ABCB10: variants seen among roughly 807,000 people sequenced by gnomAD.
ABCB10 encodes ATP binding cassette subfamily B member 10, also known as ATP-binding cassette sub-family B member 10, mitochondrial.
A neutral mutation model predicts 65.4 loss-of-function variants in ABCB10; 54 were observed. The ratio of observed to expected loss-of-function variants is 0.83; its 90% CI spans 0.66 to 1.04. ABCB10 has a LOEUF of 1.04. Among genes scored for constraint, ABCB10 ranks in the 50% least tolerant of loss-of-function variants. The probability of loss-of-function intolerance (pLI) is 0.00; values close to 1 mark genes in which losing one functional copy is unlikely to be tolerated. For synonymous variants in ABCB10, 418 were observed against 406.5 expected (o/e 1.03, Z -0.34); for missense variants, 846 against 976.6 (o/e 0.87, Z 1.78).
chr1:229,533,972 G>A (rs1477383026), intron 6 of ABCB10, among the ~76,000 whole-genome samples: 1 of 152,108 alleles, frequency 6.6e-6, no homozygotes, highest in Non-Finnish European at 1.5e-5. Flanking sequence ...AAGACAATGT[G>A]AAAAGAAGAG....
intron 9 of ABCB10, among the ~76,000 whole-genome samples, 154 bp from the exon 10 acceptor site, chr1:229,526,270 T>C (rs1246893235): frequency 6.6e-6 from 1 of 152,250 alleles, no homozygotes; most frequent in Non-Finnish European, 1.5e-5. Flanking sequence ...CAATGAGACC[T>C]CACAGCAGGT....
intron 1 of ABCB10, among the ~76,000 whole-genome samples, chr1:229,550,209 AAAC>A (rs1461616241): frequency 6.6e-6 from 1 of 152,230 alleles, no homozygotes; most frequent in Admixed American, 6.5e-5. Flanking sequence ...AAAAACAGGC[AAAC>A]AAGATAGAGT....
intron 4 of ABCB10, 45 bp from the exon 5 acceptor site, chr1:229,540,797 T>C: frequency 2.6e-6 from 4 of 1,564,862 alleles, no homozygotes; most frequent in Non-Finnish European, 3.4e-6. Flanking sequence ...GGGTCATATT[T>C]CAAGAGCTTC....
At chr1:229,531,036 T>G in intron 7 of ABCB10, among the ~76,000 whole-genome samples, 1 of 152,164 alleles carries the variant, frequency 6.6e-6, no homozygotes, top group East Asian at 1.9e-4. Flanking sequence ...TGGGGCTACC[T>G]GACAATGTCC....
intron 6 of ABCB10, among the ~76,000 whole-genome samples, chr1:229,535,861 G>A (rs1460424152): frequency 2.6e-5 from 4 of 152,090 alleles, no homozygotes; most frequent in Non-Finnish European, 5.9e-5. Context: ...GAGTAGCTGG[G>A]ATTACGGGCA....
In ABCB10 at chr1:229,536,933, CCT is replaced by C. The variant is rs71744576; in HGVS notation, c.1339+2521_1339+2522del. On this transcript the variant is annotated intron_variant, in intron 6 of 12. Transcript: ENST00000344517. ...TCCAGCCTGGGTGACAGAGCAAGCC[CCT>C]GTCTCAGGAAAAAAGAAAAGAAAAA... Among the ~76,000 whole-genome samples the C allele has an allele frequency of 9.0e-3, 1,361 of 151,518 alleles. 21 individuals are homozygous for C. The highest frequency in any genetic ancestry group is 0.031 in the African/African-American group (1,283 of 41,222).
rs17584642 is a variant in ABCB10, at chr1:229,547,696, G to A, written c.724C>T (p.Arg242Cys). ...RVYLMQTSGQ[R>C]IVNRLRTSLF... The stretch of plus-strand genomic sequence containing the variant: ...GAAGTTCTCAGCCTATTCACAATGC[G>A]CTGACCTGCAAAAGCAAACACGAAC... The change falls in exon 3 of 13, where the codon CGC becomes TGC. Residue 242 changes from arginine (R) to cysteine (C), a missense_variant. By Grantham distance (180) the Arg-to-Cys change is radical (BLOSUM62 -3). Coordinates refer to ENST00000344517, the MANE Select transcript of ABCB10 (RefSeq NM_012089.3). 2.4e-5 allele frequency: 38 copies of A among 1,613,964 alleles called. No homozygotes were observed. In the Admixed American group the frequency reaches 5.2e-4, roughly 22 times the overall value.
At chr1:229,548,002 CTT>C (rs398053891) in intron 2 of ABCB10, among the ~76,000 whole-genome samples, 16 of 141,282 alleles carry the variant, frequency 1.1e-4, no homozygotes, top group Admixed American at 1.4e-4. Flanking sequence ...TTTATTTTTA[CTT>C]TTTTTTTTTT....
chr1:229,558,493 C>A lies in ABCB10; in HGVS notation c.160G>T (p.Ala54Ser). 2 of 1,317,232 alleles carry A rather than the reference C, an allele frequency of 1.5e-6. No individual in the cohort carries two copies. The highest frequency in any genetic ancestry group is 1.8e-5 in the South Asian group (1 of 54,206). The allele number at this position is 1,317,232 out of a possible 1,614,324, so 81.6% of individuals were successfully genotyped here. The change falls in exon 1 of 13, where the codon GCG (alanine) becomes TCG (serine). Residue 54 changes from alanine (A) to serine (S), a missense_variant. Physicochemically the swap from Ala to Ser is moderately conservative, Grantham distance 99. Around this residue, in one of 2 missense-constraint regions of ABCB10, gnomAD observed 214 missense variants for 173.5 expected, o/e 1.23. Coordinates refer to ENST00000344517, the MANE Select transcript of ABCB10 (RefSeq NM_012089.3). ...ACGCCCCAGAGCAGCGCGGGCCCCGCGCCCCATAGCCGCGCCGGCCTCAGG... is the reference window on the plus strand; with the variant it reads ...ACGCCCCAGAGCAGCGCGGGCCCCGAGCCCCATAGCCGCGCCGGCCTCAGG... Reference protein sequence around the residue: ...TGLRPARLWGAGPALLWGVGA... With the variant: ...TGLRPARLWGSGPALLWGVGA...
At chr1:229,550,131 G>T (rs1305413405) in intron 1 of ABCB10, 2 of 152,144 alleles carry the variant, frequency 1.3e-5, no homozygotes, top group Non-Finnish European at 2.9e-5. Context: ...TCTTAATATT[G>T]TATTATTGCT....
At chr1:229,553,735 G>T (rs890161917) in intron 1 of ABCB10, among the ~76,000 whole-genome samples, 19 of 151,232 alleles carry the variant, frequency 1.3e-4, no homozygotes, top group Non-Finnish European at 5.9e-5. Flanking sequence ...CTCAACCTCA[G>T]AACCGGCCCT....
intron 6 of ABCB10, 27 bp downstream of exon 6, chr1:229,539,429 C>T: frequency 6.2e-7 from 1 of 1,605,926 alleles, no homozygotes. Context: ...TAATTTGTAA[C>T]ACCCCAAGCC....
chr1:229,527,391 T>A lies in ABCB10; in HGVS notation c.1646-83A>T, dbSNP rs539741201. ...CACAGAAAGGATCCGGTGGGAAAAT[T>A]CCAGACTCATTTTTTAAAGATCAAA... On this transcript the variant is annotated intron_variant, in intron 8 of 12. Coordinates refer to ENST00000344517, the MANE Select transcript of ABCB10 (RefSeq NM_012089.3). 5 of 1,221,840 alleles carry A rather than the reference T, an allele frequency of 4.1e-6. No individual in the cohort carries two copies. The African/African-American group carries it at 6.1e-5, about 15-fold the overall frequency. The allele number at this position is 1,221,840 out of a possible 1,614,324, so 75.7% of individuals were successfully genotyped here. A position where few individuals can be genotyped will look rare whatever the true frequency, so the allele number is the denominator to read the frequency against.
In ABCB10 at chr1:229,525,977, C is replaced by A; in HGVS notation, c.1865G>T (p.Gly622Val). 1 of 1,614,140 alleles carries A rather than the reference C, an allele frequency of 6.2e-7. No individual in the cohort carries two copies. Among genetic ancestry groups the A allele is most frequent in the South Asian group, 1.1e-5 (1 of 91,080 alleles). ...AVAFIRNFPQGFNTVVGEKGV... is the reference protein window; with the variant it reads ...AVAFIRNFPQVFNTVVGEKGV... ...CTTTTCTCCAACCACAGTGTTGAAC[C>A]CTTGGGGGAAATTCCGGATGAAGGC... The change falls in exon 10 of 13, where the codon GGG becomes GTG. Residue 622 changes from glycine (G) to valine (V), a missense_variant. Transcript: ENST00000344517.
intron 8 of ABCB10, among the ~76,000 whole-genome samples, chr1:229,529,295 C>CAAAAAAAAAAAAA (rs59264291): frequency 1.3e-4 from 3 of 23,122 alleles, no homozygotes; most frequent in African/African-American, 4.9e-4. Context: ...GACTCCGTCT[C>CAAAAAAAAAAAAA]AAAAAAAAAA....
chr1:229,558,112 G>C, intron 1 of ABCB10, 24 bp downstream of exon 1: 1 of 1,341,454 alleles, frequency 7.5e-7, no homozygotes, highest in Middle Eastern at 2.8e-4. Context: ...CCCGGCGGAG[G>C]GAAGTGGCCG....
chr1:229,527,514 C>T (rs916498224), intron 8 of ABCB10, among the ~76,000 whole-genome samples: 3 of 152,182 alleles, frequency 2.0e-5, no homozygotes, highest in South Asian at 2.1e-4. Context: ...TATTGTCTCC[C>T]GATAGTAGCT....
chr1:229,554,191 T>C (rs1663188145), intron 1 of ABCB10, among the ~76,000 whole-genome samples: 1 of 152,022 alleles, frequency 6.6e-6, no homozygotes, highest in Admixed American at 6.6e-5. Context: ...GTGGGGGAGA[T>C]GGAGGCTGAG....
chr1:229,546,513 T>C (rs755508052), intron 3 of ABCB10, among the ~76,000 whole-genome samples: 2 of 152,164 alleles, frequency 1.3e-5, no homozygotes, highest in African/African-American at 4.8e-5. Flanking sequence ...ATTAATAATT[T>C]TGATATTAAT....
Sources: allele counts gnomAD v4.1 joint callset (sites outside exome capture counted in the v4.1 genomes callset), GRCh38; gene constraint gnomAD v4.1.1; regional missense constraint gnomAD v4.1.1; transcripts MANE v1.5; gene names NCBI Gene and HGNC (gene_info 2026-07-23, HGNC 2026-07-21).